The following CLEC16A variants were observed in gnomAD, a reference collection of about 807,000 sequenced individuals.
CLEC16A encodes the protein C-type lectin domain containing 16A.
A neutral mutation model predicts 109.5 loss-of-function variants in CLEC16A; 51 were observed. That is an observed-to-expected ratio of 0.47 (90% CI 0.37 to 0.59). The LOEUF (loss-of-function observed/expected upper bound fraction) is 0.59, where lower values mean the gene tolerates loss of function less well. Among genes scored for constraint, CLEC16A ranks in the 20% least tolerant of loss-of-function variants. CLEC16A has a pLI of 0.00. For synonymous variants in CLEC16A, 673 were observed against 564.2 expected (o/e 1.19, Z -2.73); for missense variants, 1,339 against 1,394.0 (o/e 0.96, Z 0.63).
chr16:11,044,869 C>T (rs948980308), intron 16 of CLEC16A, among the ~76,000 whole-genome samples: 1 of 145,900 alleles, frequency 6.9e-6, no homozygotes, highest in Admixed American at 7.0e-5. Context: ...GAGATTGCGG[C>T]GAGCCAAGAT....
intron 1 of CLEC16A, among the ~76,000 whole-genome samples, chr16:10,950,833 T>G (rs2041692005): frequency 6.6e-6 from 1 of 152,200 alleles, no homozygotes; most frequent in Non-Finnish European, 1.5e-5. Context: ...GGGGTAAATT[T>G]CTAACCCCCA....
chr16:11,051,500 A>G lies in CLEC16A; in HGVS notation c.1867-13A>G, dbSNP rs1443383394. Reference sequence around the variant, plus strand: ...GGAATCTGCTTTGAGGTTTCCTGTAATGTCTCTTCTAGATGAAGCCCATGA... The same window carrying G: ...GGAATCTGCTTTGAGGTTTCCTGTAGTGTCTCTTCTAGATGAAGCCCATGA... On this transcript the variant is annotated splice_polypyrimidine_tract_variant and intron_variant, in intron 17 of 23. Coordinates refer to ENST00000409790, the MANE Select transcript of CLEC16A (RefSeq NM_015226.3). 1.9e-6 allele frequency: 3 copies of G among 1,608,850 alleles called. No individual in the cohort carries two copies. The highest frequency in any genetic ancestry group is 1.7e-5 in the Admixed American group (1 of 59,924).
rs71404440 is a variant in CLEC16A at position 11,036,544 on chromosome 16, C to CTTT, written c.1538-3190_1538-3188dup. On this transcript the variant is annotated intron_variant, in intron 13 of 23. Coordinates refer to ENST00000409790, the MANE Select transcript of CLEC16A (RefSeq NM_015226.3). ...CTTGTGTTCTTTTGTTCTAATTTTCCTTTTTTTTTTTTTTTTTTTTTTGAG... is the reference window on the plus strand; with the variant it reads ...CTTGTGTTCTTTTGTTCTAATTTTCCTTTTTTTTTTTTTTTTTTTTTTTTTGAG... Among the ~76,000 whole-genome samples, 558 of 131,726 alleles carry CTTT rather than the reference C, an allele frequency of 4.2e-3. 5 individuals carry two copies. The highest frequency in any genetic ancestry group is 8.1e-3 in the African/African-American group (276 of 34,098). 86.4% of individuals were successfully genotyped at this position (131,726 alleles called of 152,430 possible).
chr16:11,091,647 G>A (rs927783979), intron 19 of CLEC16A, among the ~76,000 whole-genome samples: 2 of 152,136 alleles, frequency 1.3e-5, no homozygotes. Context: ...CCAACCAGGT[G>A]ACCTCAGCAC....
At chr16:10,971,673 A>G (rs1383963419) in intron 5 of CLEC16A, 1 of 258,238 alleles carries the variant, frequency 3.9e-6, no homozygotes, top group African/African-American at 2.3e-5. Context: ...TATTCCCAAC[A>G]GGCTGCAAAG....
chr16:11,141,823 T>C (rs1426652233), intron 22 of CLEC16A, among the ~76,000 whole-genome samples: 1 of 152,180 alleles, frequency 6.6e-6, no homozygotes, highest in Non-Finnish European at 1.5e-5. Context: ...CTGCACATCG[T>C]GTAGCAGCTT....
intron 23 of CLEC16A, among the ~76,000 whole-genome samples, chr16:11,172,839 A>G (rs1210719488): frequency 6.6e-6 from 1 of 152,242 alleles, no homozygotes; most frequent in African/African-American, 2.4e-5. Context: ...CAGTGAGCCG[A>G]GATCATGCCA....
intron 11 of CLEC16A, among the ~76,000 whole-genome samples, chr16:11,003,868 C>T (rs1054655068): frequency 1.3e-5 from 2 of 151,478 alleles, no homozygotes; most frequent in African/African-American, 4.9e-5. Flanking sequence ...AGTGCAGTGG[C>T]TCACACCTTA....
At chr16:11,141,570 G>A (rs917779855) in intron 22 of CLEC16A, among the ~76,000 whole-genome samples, 9 of 152,240 alleles carry the variant, frequency 5.9e-5, no homozygotes, top group East Asian at 3.8e-4. Flanking sequence ...GGGTGGCCTC[G>A]GGGCCGCGAA....
At chr16:11,175,866 T>C (rs757935322) in intron 23 of CLEC16A, among the ~76,000 whole-genome samples, 2 of 152,254 alleles carry the variant, frequency 1.3e-5, no homozygotes, top group African/African-American at 4.8e-5. Context: ...GTTGGCCAGC[T>C]TCTTTGAATA....
At chr16:10,993,149 T>G (rs1445515754) in intron 10 of CLEC16A, among the ~76,000 whole-genome samples, 6 of 152,090 alleles carry the variant, frequency 3.9e-5, no homozygotes, top group Admixed American at 3.9e-4. Context: ...CCCACCACTT[T>G]GGGAGGCCGG....
intron 22 of CLEC16A, among the ~76,000 whole-genome samples, chr16:11,144,575 C>T (rs898040944): frequency 2.0e-5 from 3 of 152,210 alleles, no homozygotes; most frequent in Admixed American, 2.0e-4. Context: ...AGCCCTCATG[C>T]CTGTAGGATC....
chr16:11,149,266 G>A (rs1404552322), intron 22 of CLEC16A, among the ~76,000 whole-genome samples: 4 of 152,062 alleles, frequency 2.6e-5, no homozygotes, highest in Non-Finnish European at 4.4e-5. Context: ...GGATGGAACC[G>A]GTCAGCTGTT....
intron 19 of CLEC16A, among the ~76,000 whole-genome samples, chr16:11,116,015 A>C (rs1195454360): frequency 6.6e-6 from 1 of 152,056 alleles, no homozygotes; most frequent in East Asian, 1.9e-4. Context: ...CCAGCCCTAA[A>C]ATATGTTTTT....
intron 19 of CLEC16A, among the ~76,000 whole-genome samples, chr16:11,102,680 T>C (rs763082949): frequency 2.0e-5 from 3 of 152,222 alleles, no homozygotes; most frequent in Non-Finnish European, 2.9e-5. Context: ...CACAGCCTAG[T>C]AAGTGGCCCC....
chr16:11,064,957 C>T (rs918789676), intron 19 of CLEC16A, among the ~76,000 whole-genome samples: 25 of 152,182 alleles, frequency 1.6e-4, no homozygotes, highest in Non-Finnish European at 3.1e-4. Flanking sequence ...CTGCTGGGCT[C>T]CATGGGGCTG....
intron 19 of CLEC16A, among the ~76,000 whole-genome samples, chr16:11,089,903 A>G (rs116180723): frequency 0.013 from 1,966 of 152,286 alleles, 47 homozygotes; most frequent in African/African-American, 0.045. Flanking sequence ...TTGCTCATCA[A>G]TGAGGTGCCA....
At chr16:10,968,080 G>C (rs1190398071) in intron 3 of CLEC16A, among the ~76,000 whole-genome samples, 1 of 152,232 alleles carries the variant, frequency 6.6e-6, no homozygotes, top group Admixed American at 6.5e-5. Context: ...GCCTTTAGCT[G>C]TCCTGGGGGC....
intron 12 of CLEC16A, among the ~76,000 whole-genome samples, chr16:11,021,724 G>A (rs1392123751): frequency 6.6e-6 from 1 of 152,198 alleles, no homozygotes; most frequent in East Asian, 1.9e-4. Flanking sequence ...TTGAGCCAGA[G>A]AGGTCAAGGC....
Sources: allele counts gnomAD v4.1 joint callset (sites outside exome capture counted in the v4.1 genomes callset), GRCh38; gene constraint gnomAD v4.1.1; transcripts MANE v1.5; gene names NCBI Gene and HGNC (gene_info 2026-07-23, HGNC 2026-07-21).